Variants in UPP2 observed in about 807,000 individuals in gnomAD.
UPP2 encodes UPase 2.
UPP2 carries 23 observed loss-of-function variants against 26.7 expected under a neutral mutation model. The ratio of observed to expected loss-of-function variants is 0.86; its 90% CI spans 0.62 to 1.22. The LOEUF (loss-of-function observed/expected upper bound fraction) is 1.22, where lower values mean the gene tolerates loss of function less well. Ranked by LOEUF, UPP2 falls within the 50% of genes most tolerant of loss-of-function variation. The probability of loss-of-function intolerance (pLI) is 0.00; values close to 1 mark genes in which losing one functional copy is unlikely to be tolerated. For missense variants in UPP2, 387 were observed against 396.7 expected (o/e 0.98, Z 0.21); for synonymous variants, 127 against 141.3 (o/e 0.90, Z 0.72).
chr2:158,096,396 C>A (rs200326319), intron 3 of UPP2, among the ~76,000 whole-genome samples: 1 of 152,054 alleles, frequency 6.6e-6, no homozygotes, highest in African/African-American at 2.4e-5. Flanking sequence ...GTCAGGAGTT[C>A]GAGACCAGCC....
In UPP2 at chr2:158,021,467, A is replaced by C. The variant is rs185681651; in HGVS notation, c.147+5581A>C. ...GACAGTGTTATGGCCAAACCAGGGA[A>C]AGCCTAACACATGGCTGTCTGTTCA... On this transcript the variant is annotated intron_variant, in intron 3 of 9. Coordinates refer to the UPP2 transcript ENST00000605860. 4.4e-3 allele frequency among the ~76,000 whole-genome samples: 673 copies of C among 152,364 alleles called. 3 individuals are homozygous for C. Among genetic ancestry groups the C allele is most frequent in the Middle Eastern group, 0.014 (4 of 294 alleles).
chr2:158,092,065 A>T (rs1464800897), intron 3 of UPP2, among the ~76,000 whole-genome samples: 1 of 152,114 alleles, frequency 6.6e-6, no homozygotes, highest in Non-Finnish European at 1.5e-5. Context: ...ATCTGAGAAA[A>T]TTTCTCATTT....
At chr2:158,129,212 G>C (rs1683758201) in intron 6 of UPP2, among the ~76,000 whole-genome samples, 1 of 151,970 alleles carries the variant, frequency 6.6e-6, no homozygotes, top group Non-Finnish European at 1.5e-5. Context: ...CCCCTGCTAT[G>C]ACCCCAGGGA....
At chr2:158,070,318 T>C (rs1233973484) in intron 3 of UPP2, among the ~76,000 whole-genome samples, 1 of 152,226 alleles carries the variant, frequency 6.6e-6, no homozygotes, top group Non-Finnish European at 1.5e-5. Flanking sequence ...ATAGGACATC[T>C]CTACCCATTC....
intron 3 of UPP2, among the ~76,000 whole-genome samples, chr2:158,074,981 T>C (rs139280787): frequency 1.3e-5 from 2 of 151,922 alleles, no homozygotes; most frequent in Non-Finnish European, 2.9e-5. Context: ...GCAATACTTA[T>C]ATGAGACAAA....
chr2:158,128,183 G>A, intron 6 of UPP2: 1 of 223,620 alleles, frequency 4.5e-6, no homozygotes, highest in Non-Finnish European at 7.5e-6. Context: ...AGCACTCACA[G>A]TGGCTTTTCT....
rs910513172 is a variant in UPP2, at chr2:158,042,479, G to A, written c.147+26593G>A. ...CCTGTTGGATTAGCACTGATTAAGG[G>A]TTGAGAACAAACAGGATTTCATGGT... On this transcript the variant is annotated intron_variant, in intron 3 of 9. Transcript: ENST00000605860. 1.1e-4 allele frequency among the ~76,000 whole-genome samples: 16 copies of A among 152,122 alleles called. 1 individual carries two copies. Among genetic ancestry groups the A allele is most frequent in the Admixed American group, 8.5e-4 (13 of 15,278 alleles).
chr2:158,031,200 C>T (rs997280008), intron 3 of UPP2, among the ~76,000 whole-genome samples: 7 of 152,096 alleles, frequency 4.6e-5, no homozygotes, highest in Non-Finnish European at 8.8e-5. Flanking sequence ...ATCAGGCTTT[C>T]CTCCTTCATT....
chr2:158,020,022 C>G (rs1033546031), intron 3 of UPP2, among the ~76,000 whole-genome samples: 1 of 152,190 alleles, frequency 6.6e-6, no homozygotes, highest in African/African-American at 2.4e-5. Context: ...TTATACCTAG[C>G]ATAAAGGCTA....
chr2:158,003,852 T>TTG (rs150136247), intron 2 of UPP2, among the ~76,000 whole-genome samples: 2 of 152,234 alleles, frequency 1.3e-5, no homozygotes, highest in East Asian at 1.9e-4. Flanking sequence ...ATGTATATGC[T>TTG]TGTGTGTGTG....
rs373232429 is a variant in UPP2, at chr2:158,134,774, G to A, written c.838G>A (p.Asp280Asn). ...KAAVVCVTLLDRLDCDQINLP... is the reference protein window; with the variant it reads ...KAAVVCVTLLNRLDCDQINLP... ...TGCTGTGGTCTGTGTGACACTTCTCGACAGACTCGACTGTGATCAGATCAA... is the reference window on the plus strand; with the variant it reads ...TGCTGTGGTCTGTGTGACACTTCTCAACAGACTCGACTGTGATCAGATCAA... The change falls in exon 7 of 7, where the codon GAC becomes AAC. Residue 280 changes from aspartate (D) to asparagine (N), a missense_variant. Transcript: ENST00000005756. 1.1e-5 allele frequency: 18 copies of A among 1,612,558 alleles called. No individual in the cohort carries two copies. The highest frequency in any genetic ancestry group is 2.2e-5 in the East Asian group (1 of 44,740).
intron 2 of UPP2, among the ~76,000 whole-genome samples, chr2:158,011,554 AG>A (rs1189959633): frequency 6.6e-6 from 1 of 152,146 alleles, no homozygotes; most frequent in African/African-American, 2.4e-5. Flanking sequence ...GCAATGGTCA[AG>A]GGAGCTAGGC....
chr2:157,997,861 A>G (rs1683346440), intron 2 of UPP2, among the ~76,000 whole-genome samples: 1 of 152,176 alleles, frequency 6.6e-6, no homozygotes, highest in Admixed American at 6.5e-5. Context: ...TTACCACTAA[A>G]CGTTTGGACA....
intron 2 of UPP2, among the ~76,000 whole-genome samples, chr2:158,000,408 C>T (rs975390819): frequency 1.5e-4 from 23 of 152,218 alleles, no homozygotes; most frequent in African/African-American, 7.2e-5. Context: ...TTCATTGTCT[C>T]ATAATACTGG....
intron 3 of UPP2, among the ~76,000 whole-genome samples, chr2:158,064,538 G>A (rs968867334): frequency 6.6e-6 from 1 of 151,744 alleles, no homozygotes; most frequent in Non-Finnish European, 1.5e-5. Flanking sequence ...TCTGTGGGTT[G>A]CCTGTTTACT....
chr2:158,005,125 C>T (rs1490616039), intron 2 of UPP2, among the ~76,000 whole-genome samples: 2 of 152,216 alleles, frequency 1.3e-5, no homozygotes, highest in African/African-American at 4.8e-5. Flanking sequence ...TGTTCTTCTA[C>T]TGGGTTCCCT....
chr2:158,125,857 T>C (rs1683682672), intron 6 of UPP2, among the ~76,000 whole-genome samples: 1 of 152,252 alleles, frequency 6.6e-6, no homozygotes, highest in African/African-American at 2.4e-5. Context: ...ATTCAGATGG[T>C]TCTGCTCCAG....
chr2:158,065,744 C>T (rs1008085314), intron 3 of UPP2: 5 of 679,292 alleles, frequency 7.4e-6, no homozygotes, highest in African/African-American at 7.2e-5. Flanking sequence ...CCCATGTTCT[C>T]GATAGGCCTT....
chr2:158,097,588 A>T (rs370050536), upstream of UPP2, among the ~76,000 whole-genome samples: 42 of 152,296 alleles, frequency 2.8e-4, no homozygotes, highest in African/African-American at 9.9e-4. Context: ...ATCTCCTGAG[A>T]CTGGAAACAG....
Sources: gnomAD v4.1 joint callset for allele counts (sites outside exome capture counted in the v4.1 genomes callset) on GRCh38, gnomAD v4.1.1 for gene constraint, MANE v1.5 for transcripts, NCBI Gene and HGNC (gene_info 2026-07-23, HGNC 2026-07-21) for gene names.